C4orf54: variants seen among roughly 807,000 people sequenced by gnomAD.
The protein encoded by C4orf54 is uncharacterized protein C4orf54.
In C4orf54, 67 loss-of-function variants were observed where a neutral mutation model predicts 80.1. The observed-to-expected ratio is 0.84, with a 90% CI of 0.69 to 1.03. The LOEUF (loss-of-function observed/expected upper bound fraction) is 1.03, where lower values mean the gene tolerates loss of function less well. C4orf54 is among the 50% of genes least tolerant of loss of function. The pLI is 0.00. For synonymous variants in C4orf54, 1,000 were observed against 917.0 expected, an observed-to-expected ratio of 1.09 and a Z score of -1.64; for missense variants, 2,434 against 2,253.5, an observed-to-expected ratio of 1.08 and a Z score of -1.62.
At chr4:99,644,900 T>A (rs1578268936) in intron 2 of C4orf54, among the ~76,000 whole-genome samples, 2 of 144,702 alleles carry the variant, frequency 1.4e-5, no homozygotes, top group African/African-American at 2.6e-5. Context: ...GAAAATAAAT[T>A]CTCAAGCAAA....
rs1454509413 is a variant in C4orf54 at position 99,654,328 on chromosome 4, C to G, written c.321G>C (p.Gly107=). The G allele has an allele frequency of 1.4e-6, 2 of 1,438,006 alleles. No individual in the cohort carries two copies. Among genetic ancestry groups the G allele is most frequent in the Admixed American group, 2.0e-5 (1 of 50,856 alleles). The allele number at this position is 1,438,006 out of a possible 1,614,324, so 89.1% of individuals were successfully genotyped here. The change falls in exon 2 of 3, where the codon GGG becomes GGC. Residue 107 remains glycine, a synonymous_variant. Coordinates refer to ENST00000511828, the MANE Select transcript of C4orf54 (RefSeq NM_001354435.2). ...GCTGCAGAGTTGCCCGAAGCAGGGT[C>G]CCACGTATCTGGACTGGCCCCAAGG... The part of the protein sequence containing the change: ...PTALGPVQIR[G]TLLRATLQPL...
At chr4:99,648,838 T>C (rs1370177209) in intron 2 of C4orf54, among the ~76,000 whole-genome samples, 1 of 152,164 alleles carries the variant, frequency 6.6e-6, no homozygotes, top group Non-Finnish European at 1.5e-5. Flanking sequence ...GTTCAGTGCC[T>C]CCTGTCCCTG....
chr4:99,655,897 C>T (rs1398302549), intron 1 of C4orf54, among the ~76,000 whole-genome samples: 2 of 152,214 alleles, frequency 1.3e-5, no homozygotes, highest in Non-Finnish European at 2.9e-5. Context: ...CAACCATCCC[C>T]TTTCAACATG....
chr4:99,656,278 T>C (rs549761539), intron 1 of C4orf54, among the ~76,000 whole-genome samples: 1 of 151,448 alleles, frequency 6.6e-6, no homozygotes, highest in South Asian at 2.1e-4. Flanking sequence ...TTTTTTATCT[T>C]AGTTTTTTTT....
rs980910690 is a variant in C4orf54 at position 99,652,253 on chromosome 4, C to T, written c.2396G>A (p.Arg799His). The T allele has an allele frequency of 4.6e-6, 7 of 1,535,654 alleles. No homozygotes were observed. The highest frequency in any genetic ancestry group is 1.7e-4 in the Middle Eastern group (1 of 6,012). Residue 799 changes from arginine to histidine, a missense_variant, in exon 2 of 3, where the codon CGC becomes CAC. By Grantham distance (29) the Arg-to-His change is conservative. Transcript: ENST00000511828. The stretch of plus-strand genomic sequence containing the variant: ...CTTGGACTTCTGGGGGCCATCGGCG[C>T]GGGAGGTGGGCTTGCTGCCCTCGGA... ...ETSEGSKPTS[R>H]ADGPQKSKFA...
chr4:99,641,808 C>A (rs1026145032), intron 2 of C4orf54, among the ~76,000 whole-genome samples: 1 of 152,004 alleles, frequency 6.6e-6, no homozygotes, highest in African/African-American at 2.4e-5. Context: ...GTATATCTAC[C>A]AGAACTTTGC....
Position 99,654,446 on chromosome 4 carries a change from CTGGATGAGGCGG to C in C4orf54, c.191_202del (p.Thr64_Ser67del). 1 of 723,942 alleles carries C rather than the reference CTGGATGAGGCGG, an allele frequency of 1.4e-6. No homozygotes were observed. The highest frequency in any genetic ancestry group is 2.5e-6 in the Non-Finnish European group (1 of 404,246). The allele number at this position is 723,942 out of a possible 1,614,324, so 44.8% of individuals were successfully genotyped here. On this transcript the variant is annotated inframe_deletion, in exon 2 of 3. Coordinates refer to ENST00000511828, the MANE Select transcript of C4orf54 (RefSeq NM_001354435.2). Reference sequence around the variant, plus strand: ...AAGCCTGAGGGAGGTGGGAAGGCTCCTGGATGAGGCGGTGGAGGTGGTCTGTGGCTGGGGGGC... The same window carrying C: ...AAGCCTGAGGGAGGTGGGAAGGCTCCTGGAGGTGGTCTGTGGCTGGGGGGC...
rs992373149 is a variant in C4orf54, at chr4:99,636,642, C to T, written c.*4591G>A. On this transcript the variant is annotated 3_prime_UTR_variant, in exon 3 of 3. Coordinates refer to ENST00000511828, the MANE Select transcript of C4orf54 (RefSeq NM_001354435.2). Reference sequence around the variant, plus strand: ...TTGCACAATCATTTACAAATGCTGGCAATTAAAGGTAAGTAGCCTAGTCTC... The same window carrying T: ...TTGCACAATCATTTACAAATGCTGGTAATTAAAGGTAAGTAGCCTAGTCTC... 6.6e-6 allele frequency: 1 copy of T among 151,956 alleles called. No individual in the cohort carries two copies. The highest frequency in any genetic ancestry group is 2.4e-5 in the African/African-American group (1 of 41,372). The allele number at this position is 151,956 out of a possible 1,614,324, so 9.4% of individuals were successfully genotyped here.
intron 2 of C4orf54, among the ~76,000 whole-genome samples, chr4:99,645,473 C>G (rs1204248961): frequency 1.3e-5 from 2 of 148,270 alleles, no homozygotes; most frequent in African/African-American, 5.0e-5. Flanking sequence ...TTCTCTTAGG[C>G]TGATATCCAC....
rs775311358 is a variant in C4orf54 at position 99,651,400 on chromosome 4, T to A, written c.3249A>T (p.Lys1083Asn). The change falls in exon 2 of 3, where the codon AAA becomes AAT. Residue 1083 changes from lysine to asparagine, a missense_variant. Transcript: ENST00000511828. ...QKLFRGDNLE[K>N]VPHFQVRDIR... ...TGTCTCTCACCTGGAAATGGGGCAC[T>A]TTTTCTAGGTTGTCCCCGCGGAAGA... The A allele has an allele frequency of 6.5e-7, 1 of 1,536,144 alleles. No individual in the cohort carries two copies. Among genetic ancestry groups the A allele is most frequent in the African/African-American group, 1.4e-5 (1 of 73,040 alleles).
At chr4:99,643,191 C>T (rs1481207281) in intron 2 of C4orf54, among the ~76,000 whole-genome samples, 6 of 152,142 alleles carry the variant, frequency 3.9e-5, no homozygotes, top group Admixed American at 1.3e-4. Flanking sequence ...ACACCTACTA[C>T]GAGCAATGTA....
chr4:99,641,362 C>T (rs1726604503), intron 2 of C4orf54, among the ~76,000 whole-genome samples, 166 bp from the exon 3 acceptor site: 1 of 152,042 alleles, frequency 6.6e-6, no homozygotes, highest in African/African-American at 2.4e-5. Flanking sequence ...ATGTGCTTGG[C>T]AAATGTGTTT....
Position 99,640,461 on chromosome 4 carries a change from T to TATTTTATAC in C4orf54, c.*763_*771dup, listed in dbSNP as rs1156693706. The TATTTTATAC allele has an allele frequency of 1.7e-4, 26 of 152,218 alleles. No individual in the cohort carries two copies. 9.4% of individuals were successfully genotyped at this position (152,218 alleles called of 1,614,324 possible). A position where few individuals can be genotyped will look rare whatever the true frequency, so the allele number is the denominator to read the frequency against. Reference sequence around the variant, plus strand: ...AATTGGATTCTTAAAGGAAAATAGATATTTTATACCTTTCTGAGACTAAGT... The same window carrying TATTTTATAC: ...AATTGGATTCTTAAAGGAAAATAGATATTTTATACATTTTATACCTTTCTGAGACTAAGT... On this transcript the variant is annotated 3_prime_UTR_variant, in exon 3 of 3. Coordinates refer to ENST00000511828, the MANE Select transcript of C4orf54 (RefSeq NM_001354435.2).
At position 99,640,589 on chromosome 4, in the gene C4orf54, A is replaced by T. The variant is rs1726589817; in HGVS notation, c.*644T>A. ...ATTGTACAAATGGGAAAAATAAAAT[A>T]AAGCACAAACATTACAACCACCATT... On this transcript the variant is annotated 3_prime_UTR_variant, in exon 3 of 3. Transcript: ENST00000511828. The T allele has an allele frequency of 6.6e-6, 1 of 152,200 alleles. No individual in the cohort carries two copies. The highest frequency in any genetic ancestry group is 1.5e-5 in the Non-Finnish European group (1 of 68,010). 9.4% of individuals were successfully genotyped at this position (152,200 alleles called of 1,614,324 possible).
intron 2 of C4orf54, among the ~76,000 whole-genome samples, chr4:99,642,849 G>A (rs1301361574): frequency 2.6e-5 from 4 of 152,172 alleles, no homozygotes; most frequent in Non-Finnish European, 5.9e-5. Flanking sequence ...GCCGGCCTGT[G>A]CCCAGACAGA....
In C4orf54 at chr4:99,650,036, T is replaced by C. The variant is rs1726777015; in HGVS notation, c.4613A>G (p.Asn1538Ser). 6.5e-7 allele frequency: 1 copy of C among 1,535,160 alleles called. No individual in the cohort carries two copies. The highest frequency in any genetic ancestry group is 1.2e-5 in the South Asian group (1 of 84,018). Residue 1538 changes from asparagine (N) to serine (S), a missense_variant, in exon 2 of 3, where the codon AAC (asparagine) becomes AGC (serine). Transcript: ENST00000511828. Reference protein sequence around the residue: ...SRPAWRTKPDNPRETVAAPPG... With the variant: ...SRPAWRTKPDSPRETVAAPPG... ...GGGGGCAGCTACTGTCTCCCGGGGG[T>C]TGTCAGGTTTGGTACGCCAAGCTGG...
At position 99,651,523 on chromosome 4, in the gene C4orf54, G is replaced by C. The variant is rs1578274333; in HGVS notation, c.3126C>G (p.Asp1042Glu). The change falls in exon 2 of 3, where the codon GAC (aspartate) becomes GAG (glutamate). Residue 1042 changes from aspartate to glutamate, a missense_variant. Physicochemically the swap from Asp to Glu is conservative, Grantham distance 45. Coordinates refer to ENST00000511828, the MANE Select transcript of C4orf54 (RefSeq NM_001354435.2). ...GCGTGAGCAACTTGGCAATGTTGAA[G>C]TCTGAGCTCGGCTGCTGCACACTCC... Reference protein sequence around the residue: ...RLGSVQQPSSDFNIAKLLTPK... With the variant: ...RLGSVQQPSSEFNIAKLLTPK... 2 of 1,536,220 alleles carry C rather than the reference G, an allele frequency of 1.3e-6. No individual in the cohort carries two copies. The highest frequency in any genetic ancestry group is 2.4e-5 in the East Asian group (1 of 40,888).
chr4:99,651,581 C>T lies in C4orf54; in HGVS notation c.3068G>A (p.Arg1023Lys). The T allele has an allele frequency of 6.5e-7, 1 of 1,536,142 alleles. No homozygotes were observed. Reference sequence around the variant, plus strand: ...GATCTTGATTTCGGGAGCCTTGGGTCTGATCACCGCTGTGGAGGTGGCCTG... The same window carrying T: ...GATCTTGATTTCGGGAGCCTTGGGTTTGATCACCGCTGTGGAGGTGGCCTG... ...AAQATSTAVI[R>K]PKAPEIKIRL... The change falls in exon 2 of 3, where the codon AGA becomes AAA. Residue 1023 changes from arginine to lysine, a missense_variant. Coordinates refer to ENST00000511828, the MANE Select transcript of C4orf54 (RefSeq NM_001354435.2).
At chr4:99,646,398 A>T (rs1726702024) in intron 2 of C4orf54, among the ~76,000 whole-genome samples, 1 of 152,220 alleles carries the variant, frequency 6.6e-6, no homozygotes, top group Non-Finnish European at 1.5e-5. Flanking sequence ...CATTTTACAA[A>T]TGTCCAGAGA....
Sources: gnomAD v4.1 joint callset for allele counts (sites outside exome capture counted in the v4.1 genomes callset) on GRCh38, gnomAD v4.1.1 for gene constraint, MANE v1.5 for transcripts, NCBI Gene and HGNC (gene_info 2026-07-23, HGNC 2026-07-21) for gene names.